Variants in FOCAD observed in about 807,000 individuals in gnomAD.
FOCAD encodes KIAA1797.
FOCAD carries 198 observed loss-of-function variants against 225.6 expected under a neutral mutation model. The observed-to-expected ratio is 0.88, with a 90% CI of 0.78 to 0.99. The LOEUF is 0.99. Ranked by LOEUF, FOCAD falls within the 50% of genes least tolerant of loss-of-function variation. The probability of loss-of-function intolerance (pLI) is 0.00; values close to 1 mark genes in which losing one functional copy is unlikely to be tolerated. For missense variants in FOCAD, 2,713 were observed against 2,123.6 expected, an observed-to-expected ratio of 1.28 and a Z score of -5.46; for synonymous variants, 897 against 755.0, an observed-to-expected ratio of 1.19 and a Z score of -3.08.
At chr9:20,842,581 C>T (rs1040318561) in intron 15 of FOCAD, among the ~76,000 whole-genome samples, 8 of 151,886 alleles carry the variant, frequency 5.3e-5, no homozygotes, top group Non-Finnish European at 1.0e-4. Context: ...ACTATCTTTT[C>T]CATCCCCTTT....
At chr9:20,855,762 G>T (rs1290068531) in intron 15 of FOCAD, among the ~76,000 whole-genome samples, 1 of 148,142 alleles carries the variant, frequency 6.8e-6, no homozygotes, top group East Asian at 1.9e-4. Flanking sequence ...ACCCTTTGCA[G>T]CCTCTGTTAA....
At chr9:20,984,002 G>A (rs1006989126) in intron 39 of FOCAD, among the ~76,000 whole-genome samples, 1 of 152,116 alleles carries the variant, frequency 6.6e-6, no homozygotes, top group African/African-American at 2.4e-5. Context: ...GCTGTTACTC[G>A]CTTGAGTTTC....
At chr9:20,950,434 C>A (rs897675071) in intron 33 of FOCAD, among the ~76,000 whole-genome samples, 2 of 152,104 alleles carry the variant, frequency 1.3e-5, no homozygotes, top group Non-Finnish European at 2.9e-5. Flanking sequence ...ACAAAAATCT[C>A]TGAACAGACA....
At chr9:20,870,847 T>C (rs1291617935) in intron 18 of FOCAD, among the ~76,000 whole-genome samples, 2 of 152,210 alleles carry the variant, frequency 1.3e-5, no homozygotes, top group Non-Finnish European at 2.9e-5. Flanking sequence ...GATGGGTTTA[T>C]TGGGACATAA....
chr9:20,799,450 TAAA>T lies in FOCAD; in HGVS notation c.1455+9843_1455+9845del, dbSNP rs879840506. Among the ~76,000 whole-genome samples, 363 of 152,288 alleles carry T rather than the reference TAAA, an allele frequency of 2.4e-3. 2 individuals are homozygous for T. Among genetic ancestry groups the T allele is most frequent in the Middle Eastern group, 0.017 (5 of 294 alleles). ...CTGTCTAATGTTGACAGTGGGGTGTTAAAGTCTCCCATTATTATTGTGTGGGAG... is the reference window on the plus strand; with the variant it reads ...CTGTCTAATGTTGACAGTGGGGTGTTGTCTCCCATTATTATTGTGTGGGAG... On this transcript the variant is annotated intron_variant, in intron 11 of 43. Coordinates refer to ENST00000338382, the MANE Select transcript of FOCAD (RefSeq NM_001375567.1).
Position 20,708,013 on chromosome 9 carries a change from C to A in FOCAD, c.-32-7309C>A, listed in dbSNP as rs1930049. Among the ~76,000 whole-genome samples, 10 of 152,176 alleles carry A rather than the reference C, an allele frequency of 6.6e-5. No homozygotes were observed. The East Asian group carries it at 1.9e-3, about 29-fold the overall frequency. ...AGCAGCAGAAGAATGAGAAAGAGAT[C>A]CATATTAGACAGTACAACAAGGTGG... On this transcript the variant is annotated intron_variant, in intron 1 of 43. Transcript: ENST00000338382.
At chr9:20,918,529 C>T (rs571088450) in intron 24 of FOCAD, among the ~76,000 whole-genome samples, 1 of 152,012 alleles carries the variant, frequency 6.6e-6, no homozygotes, top group Non-Finnish European at 1.5e-5. Context: ...CGAGACCATC[C>T]CGGCTAAAAC....
At chr9:20,691,225 G>A (rs1822956804) in intron 1 of FOCAD, among the ~76,000 whole-genome samples, 1 of 152,140 alleles carries the variant, frequency 6.6e-6, no homozygotes, top group Admixed American at 6.5e-5. Context: ...TTACAGGTGT[G>A]AGCCATAGTG....
At position 20,821,034 on chromosome 9, in the gene FOCAD, G is replaced by A; in HGVS notation, c.1756G>A (p.Ala586Thr). The change falls in exon 14 of 44, where the codon GCA (alanine) becomes ACA (threonine). Residue 586 changes from alanine (A) to threonine (T), a missense_variant. Transcript: ENST00000338382. ...GGAAGTCCAATGGGAGAAACTGATT[G>A]CAAAAGCAGCATCAATCAGAGATAT... ...GKEVQWEKLI[A>T]KAASIRDICK... is the part of the protein sequence containing the mutation. 2 of 1,612,668 alleles carry A rather than the reference G, an allele frequency of 1.2e-6. No individual in the cohort carries two copies. Among genetic ancestry groups the A allele is most frequent in the Non-Finnish European group, 1.7e-6 (2 of 1,179,110 alleles).
rs763976890 is a variant in FOCAD at position 20,946,686 on chromosome 9, G to A, written c.3556-15G>A. 1.3e-6 allele frequency: 2 copies of A among 1,597,966 alleles called. No individual in the cohort carries two copies. Among genetic ancestry groups the A allele is most frequent in the Non-Finnish European group, 1.7e-6 (2 of 1,173,794 alleles). On this transcript the variant is annotated splice_polypyrimidine_tract_variant and intron_variant, in intron 29 of 43. Coordinates refer to ENST00000338382, the MANE Select transcript of FOCAD (RefSeq NM_001375567.1). ...CCTCCTGAAGACATATTTTTCTGCT[G>A]TATTTTCTTCTCAGGTCCTTGCCTA... is the stretch of plus-strand genomic sequence containing the variant.
At chr9:20,680,544 ACT>A (rs1035552503), upstream of FOCAD, among the ~76,000 whole-genome samples, 62 of 152,166 alleles carry the variant, frequency 4.1e-4, no homozygotes, top group African/African-American at 1.4e-3. Flanking sequence ...ACAGAGCAAG[ACT>A]CTGTCTCAAA....
chr9:20,912,929 T>C lies in FOCAD; in HGVS notation c.2782T>C (p.Tyr928His). Reference sequence around the variant, plus strand: ...AAAAGAAGAACCTGAGGAGGTGCAGTACAAAAAAAGCACAGCCTGGCTCTG... The same window carrying C: ...AAAAGAAGAACCTGAGGAGGTGCAGCACAAAAAAAGCACAGCCTGGCTCTG... ...HGKEEPEEVQ[Y>H]KKSTAWLWVR... is the part of the protein sequence containing the mutation. Residue 928 changes from tyrosine to histidine, a missense_variant, in exon 23 of 44, where the codon TAC (tyrosine) becomes CAC (histidine). Transcript: ENST00000338382. 6.2e-7 allele frequency: 1 copy of C among 1,613,122 alleles called. No homozygotes were observed. The highest frequency in any genetic ancestry group is 8.5e-7 in the Non-Finnish European group (1 of 1,179,468).
chr9:20,703,754 T>C (rs566545393), intron 1 of FOCAD, among the ~76,000 whole-genome samples: 2 of 152,306 alleles, frequency 1.3e-5, no homozygotes, highest in South Asian at 4.1e-4. Context: ...CCACATGGTA[T>C]TGAGGGAGGG....
chr9:20,922,488 A>G (rs1173012911), intron 24 of FOCAD, among the ~76,000 whole-genome samples: 2 of 152,226 alleles, frequency 1.3e-5, no homozygotes, highest in Non-Finnish European at 2.9e-5. Context: ...CATTCTTACC[A>G]AATGAAAGCA....
intron 29 of FOCAD, 139 bp from the exon 30 acceptor site, chr9:20,946,562 C>A: frequency 1.2e-6 from 1 of 824,424 alleles, no homozygotes; most frequent in Non-Finnish European, 1.8e-6. Context: ...GGCAGAAAAA[C>A]AGTGCCCAAT....
Position 20,855,721 on chromosome 9 carries a change from T to G in FOCAD, c.1921-6857T>G, listed in dbSNP as rs959591794. Among the ~76,000 whole-genome samples, 31 of 151,586 alleles carry G rather than the reference T, an allele frequency of 2.0e-4. 1 individual carries two copies. Among genetic ancestry groups the G allele is most frequent in the Non-Finnish European group, 4.6e-4 (31 of 67,696 alleles). On this transcript the variant is annotated intron_variant, in intron 15 of 43. Transcript: ENST00000338382. ...CTCACTGTATTTTTGTACCCATTAA[T>G]CATTTCTGCTGTATTCCCCAGCTCC...
intron 2 of FOCAD, among the ~76,000 whole-genome samples, chr9:20,677,739 G>A (rs1375952188): frequency 6.6e-6 from 1 of 152,140 alleles, no homozygotes; most frequent in Non-Finnish European, 1.5e-5. Flanking sequence ...TGGTGGAAAT[G>A]TAAATTGGCA....
At chr9:20,688,631 A>G (rs1822799002) in intron 1 of FOCAD, among the ~76,000 whole-genome samples, 1 of 148,396 alleles carries the variant, frequency 6.7e-6, no homozygotes, top group South Asian at 2.1e-4. Flanking sequence ...TTGTAGAATA[A>G]GAAAGAATAA....
In FOCAD at chr9:20,903,680, A is replaced by G. The variant is rs200984304; in HGVS notation, c.2626-3470A>G. On this transcript the variant is annotated intron_variant, in intron 21 of 43. Transcript: ENST00000338382. ...TAGACTGACCTCTTTTCTCTTTCTC[A>G]AACAGGTCAGTTGTATGCCTGCCCA... 2.0e-5 allele frequency among the ~76,000 whole-genome samples: 3 copies of G among 151,960 alleles called. No homozygotes were observed. In the East Asian group the frequency reaches 5.8e-4, roughly 30 times the overall value.
Sources: gnomAD v4.1 joint callset for allele counts (sites outside exome capture counted in the v4.1 genomes callset) on GRCh38, gnomAD v4.1.1 for gene constraint, MANE v1.5 for transcripts, NCBI Gene and HGNC (gene_info 2026-07-23, HGNC 2026-07-21) for gene names.